FHIT: variants seen among roughly 807,000 people sequenced by gnomAD.
FHIT encodes fragile histidine triad diadenosine triphosphatase.
A neutral mutation model predicts 17.9 loss-of-function variants in FHIT; 19 were observed. The ratio of observed to expected loss-of-function variants is 1.06; its 90% CI spans 0.74 to 1.56. The LOEUF (loss-of-function observed/expected upper bound fraction) is 1.56, where lower values mean the gene tolerates loss of function less well. Among genes scored for constraint, FHIT ranks in the 40% most tolerant of loss-of-function variants. The probability of loss-of-function intolerance (pLI) is 0.00; values close to 1 mark genes in which losing one functional copy is unlikely to be tolerated. For missense variants in FHIT, 248 were observed against 189.2 expected (o/e 1.31, Z -1.82); for synonymous variants, 81 against 69.7 (o/e 1.16, Z -0.81).
intron 2 of FHIT, among the ~76,000 whole-genome samples, chr3:61,183,027 T>G (rs1400440317): frequency 2.6e-5 from 4 of 152,212 alleles, no homozygotes; most frequent in Admixed American, 2.6e-4. Flanking sequence ...TGCCAGTCCC[T>G]GTGCTGAGAT....
At position 60,660,738 on chromosome 3, in the gene FHIT, T is replaced by C. The variant is rs1426867452; in HGVS notation, c.-17-123759A>G. On this transcript the variant is annotated intron_variant, in intron 4 of 9. Coordinates refer to ENST00000492590, the MANE Select transcript of FHIT (RefSeq NM_002012.4). Reference sequence around the variant, plus strand: ...TATCTTTTATTGTGCTCTTTTTTTTTTTTTTTTTTTTTGCCATCTGCCATT... The same window carrying C: ...TATCTTTTATTGTGCTCTTTTTTTTCTTTTTTTTTTTTGCCATCTGCCATT... 1.3e-4 allele frequency among the ~76,000 whole-genome samples: 18 copies of C among 137,362 alleles called. 2 individuals carry two copies. The highest frequency in any genetic ancestry group is 2.5e-4 in the Non-Finnish European group (16 of 63,326). 90.1% of individuals were successfully genotyped at this position (137,362 alleles called of 152,430 possible). A position where few individuals can be genotyped will look rare whatever the true frequency, so the allele number is the denominator to read the frequency against.
intron 7 of FHIT, among the ~76,000 whole-genome samples, chr3:59,996,966 C>T (rs1015541051): frequency 6.6e-6 from 1 of 152,132 alleles, no homozygotes; most frequent in Non-Finnish European, 1.5e-5. Flanking sequence ...TCCTTCTGAC[C>T]ATTTCACATT....
chr3:59,982,647 G>C (rs937009095), intron 7 of FHIT, among the ~76,000 whole-genome samples: 1 of 152,184 alleles, frequency 6.6e-6, no homozygotes, highest in African/African-American at 2.4e-5. Flanking sequence ...CGTACTTGCA[G>C]AAAGGGATGA....
intron 5 of FHIT, among the ~76,000 whole-genome samples, chr3:60,330,962 A>T (rs937129990): frequency 5.9e-5 from 9 of 152,088 alleles, no homozygotes; most frequent in African/African-American, 2.2e-4. Context: ...AGGCAGCCAG[A>T]CCTCCATTTC....
intron 7 of FHIT, among the ~76,000 whole-genome samples, chr3:59,982,360 G>A (rs1242452379): frequency 2.0e-5 from 3 of 151,906 alleles, no homozygotes; most frequent in Non-Finnish European, 4.4e-5. Context: ...AGTGTCAAGT[G>A]AAATCACAGA....
chr3:59,822,028 A>G (rs572139142), intron 8 of FHIT, among the ~76,000 whole-genome samples: 37 of 152,250 alleles, frequency 2.4e-4, no homozygotes, highest in African/African-American at 8.9e-4. Context: ...TAGCTCCCAC[A>G]TATGACTGAG....
chr3:60,079,095 G>C (rs1286513636), intron 5 of FHIT, among the ~76,000 whole-genome samples: 1 of 152,094 alleles, frequency 6.6e-6, no homozygotes, highest in Non-Finnish European at 1.5e-5. Flanking sequence ...GGACAAACAA[G>C]ATGGTGCTGC....
intron 1 of FHIT, among the ~76,000 whole-genome samples, chr3:61,213,449 G>C (rs142596592): frequency 4.6e-5 from 7 of 152,328 alleles, no homozygotes; most frequent in Admixed American, 2.6e-4. Context: ...TCAACAAGTA[G>C]AGCTAACTAT....
intron 9 of FHIT, chr3:59,751,086 T>C (rs1700870794): frequency 5.6e-6 from 1 of 178,550 alleles, no homozygotes; most frequent in Admixed American, 6.5e-5. Context: ...TCCATGGGAG[T>C]TTATTAACAG....
At chr3:61,200,097 A>C (rs2038968855) in intron 2 of FHIT, among the ~76,000 whole-genome samples, 1 of 152,210 alleles carries the variant, frequency 6.6e-6, no homozygotes, top group African/African-American at 2.4e-5. Flanking sequence ...TAATTCATTT[A>C]GGGCTCAGAG....
chr3:60,232,975 A>G (rs564203053), intron 5 of FHIT, among the ~76,000 whole-genome samples: 2 of 152,128 alleles, frequency 1.3e-5, no homozygotes, highest in African/African-American at 4.8e-5. Context: ...TGTTCTAGAG[A>G]TCTATGGTGA....
chr3:61,060,981 C>T (rs2034407861), intron 2 of FHIT, among the ~76,000 whole-genome samples: 1 of 152,208 alleles, frequency 6.6e-6, no homozygotes, highest in Non-Finnish European at 1.5e-5. Context: ...TTTATAGTAG[C>T]TTCTTTTGAT....
intron 8 of FHIT, among the ~76,000 whole-genome samples, chr3:59,861,944 T>C (rs1182116546): frequency 6.6e-6 from 1 of 152,112 alleles, no homozygotes; most frequent in South Asian, 2.1e-4. Context: ...AAGGATTATG[T>C]GATGTAATTG....
chr3:61,061,991 G>C (rs1056985128), intron 2 of FHIT, among the ~76,000 whole-genome samples: 74 of 152,090 alleles, frequency 4.9e-4, no homozygotes, highest in African/African-American at 1.7e-3. Context: ...ATCTTTTCAT[G>C]TCAATTCATA....
At chr3:60,274,215 A>G (rs1484351530) in intron 5 of FHIT, among the ~76,000 whole-genome samples, 1 of 152,088 alleles carries the variant, frequency 6.6e-6, no homozygotes, top group Non-Finnish European at 1.5e-5. Context: ...CCAGAGCTCT[A>G]ATACTAACTT....
chr3:60,374,314 G>A (rs942747560), intron 5 of FHIT, among the ~76,000 whole-genome samples: 1 of 151,960 alleles, frequency 6.6e-6, no homozygotes, highest in African/African-American at 2.4e-5. Context: ...GCAACCTAAA[G>A]TAAGAAGTCT....
At position 60,652,714 on chromosome 3, in the gene FHIT, A is replaced by T. The variant is rs9869553; in HGVS notation, c.-17-115735T>A. Among the ~76,000 whole-genome samples the T allele has an allele frequency of 1.1e-3, 147 of 135,212 alleles. 1 individual carries two copies. Among genetic ancestry groups the T allele is most frequent in the South Asian group, 7.7e-3 (31 of 4,000 alleles). 88.7% of individuals were successfully genotyped at this position (135,212 alleles called of 152,430 possible). Reference sequence around the variant, plus strand: ...CTGCACTCCAGCCTGGGCAAAAGAGAGAGACTCCATCTCAAAAAAAAAAAA... The same window carrying T: ...CTGCACTCCAGCCTGGGCAAAAGAGTGAGACTCCATCTCAAAAAAAAAAAA... On this transcript the variant is annotated intron_variant, in intron 4 of 9. Transcript: ENST00000492590.
chr3:60,377,947 G>C (rs1700642897), intron 5 of FHIT, among the ~76,000 whole-genome samples: 1 of 152,160 alleles, frequency 6.6e-6, no homozygotes, highest in South Asian at 2.1e-4. Flanking sequence ...TTAATGAATG[G>C]TTTAAATATG....
intron 5 of FHIT, among the ~76,000 whole-genome samples, chr3:60,213,291 G>T (rs1703541166): frequency 6.6e-6 from 1 of 151,920 alleles, no homozygotes; most frequent in Non-Finnish European, 1.5e-5. Context: ...TCAGCTTTTG[G>T]CCTCATATTC....
Sources: allele counts gnomAD v4.1 joint callset (sites outside exome capture counted in the v4.1 genomes callset), GRCh38; gene constraint gnomAD v4.1.1; transcripts MANE v1.5; gene names NCBI Gene and HGNC (gene_info 2026-07-23, HGNC 2026-07-21).